Variants in SAMD12 observed in about 807,000 individuals in gnomAD.
SAMD12 encodes sterile alpha motif domain containing 12, also known as sterile alpha motif domain-containing protein 12.
Under a neutral mutation model 15.0 loss-of-function variants are expected in SAMD12, and 9 were observed. The ratio of observed to expected loss-of-function variants is 0.60; its 90% CI spans 0.36 to 1.05. The LOEUF (loss-of-function observed/expected upper bound fraction) is 1.05, where lower values mean the gene tolerates loss of function less well. Among genes scored for constraint, SAMD12 ranks in the 50% least tolerant of loss-of-function variants. The pLI is 0.01. For synonymous variants in SAMD12, 86 were observed against 90.1 expected, an observed-to-expected ratio of 0.96 and a Z score of 0.25; for missense variants, 230 against 234.2, an observed-to-expected ratio of 0.98 and a Z score of 0.12.
At chr8:118,190,711 C>T (rs1303699753) in exon 5 of SAMD12, 1 of 152,150 alleles carries the variant, frequency 6.6e-6, no homozygotes, top group African/African-American at 2.4e-5. Flanking sequence ...ATTGGAGGCA[C>T]AGTATAGCTT....
chr8:118,302,257 C>T lies in SAMD12; in HGVS notation c.433+77303G>A, dbSNP rs555637394. Among the ~76,000 whole-genome samples the T allele has an allele frequency of 4.9e-4, 74 of 152,002 alleles. No individual in the cohort carries two copies. In the South Asian group the frequency reaches 7.1e-3, roughly 15 times the overall value. On this transcript the variant is annotated intron_variant, in intron 4 of 4. Coordinates refer to the SAMD12 transcript ENST00000409003. ...TTCACTTTTCTTGAATTGTTAAGGT[C>T]GCATCTTGTATTGTGAACAGTAGCA... is the stretch of plus-strand genomic sequence containing the variant.
chr8:118,206,678 TG>T (rs1365872558), intron 4 of SAMD12, among the ~76,000 whole-genome samples: 1 of 152,202 alleles, frequency 6.6e-6, no homozygotes, highest in Non-Finnish European at 1.5e-5. Context: ...TCTAGATGAG[TG>T]TTTCTCAAAC....
chr8:118,508,637 T>G (rs1317534583), intron 2 of SAMD12, among the ~76,000 whole-genome samples: 1 of 152,240 alleles, frequency 6.6e-6, no homozygotes, highest in East Asian at 1.9e-4. Flanking sequence ...GTATTAATTT[T>G]TCTTAGTTTG....
chr8:118,539,295 C>T (rs1301483067), intron 2 of SAMD12, among the ~76,000 whole-genome samples: 4 of 152,156 alleles, frequency 2.6e-5, no homozygotes, highest in Non-Finnish European at 5.9e-5. Flanking sequence ...ATTAGGAAGC[C>T]TCAAATTGAC....
chr8:118,297,973 C>T (rs1398765813), intron 4 of SAMD12, among the ~76,000 whole-genome samples: 1 of 152,120 alleles, frequency 6.6e-6, no homozygotes, highest in Admixed American at 6.5e-5. Flanking sequence ...CAGTGGAAAG[C>T]AGTGAGATGA....
intron 2 of SAMD12, among the ~76,000 whole-genome samples, chr8:118,472,484 G>A (rs2130967654): frequency 6.6e-6 from 1 of 151,948 alleles, no homozygotes; most frequent in South Asian, 2.1e-4. Context: ...TCCAAAACAA[G>A]CCTGGGCAAC....
intron 2 of SAMD12, among the ~76,000 whole-genome samples, chr8:118,573,169 C>T (rs1359408974): frequency 6.6e-6 from 1 of 152,160 alleles, no homozygotes; most frequent in Non-Finnish European, 1.5e-5. Flanking sequence ...ACTGCAACCT[C>T]CACCTCCTGG....
chr8:118,329,489 G>A (rs1325002586), intron 4 of SAMD12, among the ~76,000 whole-genome samples: 1 of 152,168 alleles, frequency 6.6e-6, no homozygotes, highest in Non-Finnish European at 1.5e-5. Context: ...ACCTTCAGAA[G>A]TGGAACATCA....
chr8:118,232,933 A>G (rs908991576), intron 4 of SAMD12, among the ~76,000 whole-genome samples: 1 of 152,190 alleles, frequency 6.6e-6, no homozygotes, highest in Non-Finnish European at 1.5e-5. Context: ...GACAATATTG[A>G]AACTCTGCCA....
chr8:118,142,061 G>T, the SAMD12 span, among the ~76,000 whole-genome samples: 48 of 152,170 alleles, frequency 3.2e-4, no homozygotes, highest in Non-Finnish European at 5.1e-4. Flanking sequence ...CCCAACTAGA[G>T]ATTCTCACTA....
chr8:118,408,994 G>C (rs1440069341), intron 3 of SAMD12, among the ~76,000 whole-genome samples: 1 of 152,084 alleles, frequency 6.6e-6, no homozygotes. Flanking sequence ...CACCTCCCGG[G>C]TTCAAGCAAT....
intron 4 of SAMD12, among the ~76,000 whole-genome samples, chr8:118,363,164 G>GT (rs1243113218): frequency 1.3e-5 from 2 of 152,174 alleles, no homozygotes; most frequent in African/African-American, 4.8e-5. Context: ...GGCAGATAGG[G>GT]GAGTGGAAAG....
intron 3 of SAMD12, among the ~76,000 whole-genome samples, chr8:118,398,986 T>A (rs1157277409): frequency 6.6e-6 from 1 of 152,082 alleles, no homozygotes; most frequent in Non-Finnish European, 1.5e-5. Context: ...TGGTCTCAAG[T>A]GGTTCTCCCA....
intron 4 of SAMD12, among the ~76,000 whole-genome samples, chr8:118,326,860 G>A (rs1461787407): frequency 6.6e-6 from 1 of 152,202 alleles, no homozygotes; most frequent in Non-Finnish European, 1.5e-5. Context: ...CCTTCTACAT[G>A]ATTCCATTTA....
chr8:118,563,693 T>A (rs991206807), intron 2 of SAMD12, among the ~76,000 whole-genome samples: 1 of 152,256 alleles, frequency 6.6e-6, no homozygotes, highest in African/African-American at 2.4e-5. Flanking sequence ...ATCTCTATAA[T>A]TCACTTCCGG....
At chr8:118,185,090 C>T (rs1352816363), downstream of SAMD12, among the ~76,000 whole-genome samples, 4 of 151,826 alleles carry the variant, frequency 2.6e-5, no homozygotes, top group Non-Finnish European at 4.4e-5. Flanking sequence ...TTTTTGTTTT[C>T]TTTGAAAAAC....
chr8:118,616,330 C>G (rs1207267370), intron 1 of SAMD12, among the ~76,000 whole-genome samples: 1 of 151,908 alleles, frequency 6.6e-6, no homozygotes, highest in African/African-American at 2.4e-5. Context: ...CTTCATTTGT[C>G]TCCATTCATT....
chr8:118,591,113 T>C (rs780402743), intron 1 of SAMD12, among the ~76,000 whole-genome samples: 2 of 152,154 alleles, frequency 1.3e-5, no homozygotes, highest in African/African-American at 4.8e-5. Context: ...GGTTACATGA[T>C]ACAAGCATCA....
the SAMD12 span, among the ~76,000 whole-genome samples, chr8:118,145,112 G>C: frequency 6.6e-6 from 1 of 152,148 alleles, no homozygotes; most frequent in Non-Finnish European, 1.5e-5. Context: ...GAGATTTCCA[G>C]GCATAAGCAG....
Sources: gnomAD v4.1 joint callset for allele counts (sites outside exome capture counted in the v4.1 genomes callset) on GRCh38, gnomAD v4.1.1 for gene constraint, MANE v1.5 for transcripts, NCBI Gene and HGNC (gene_info 2026-07-23, HGNC 2026-07-21) for gene names.